LOC128462377: variants seen among roughly 807,000 people sequenced by gnomAD.
chr16:89,324,698 A>C, the LOC128462377 span: 2 of 337,856 alleles, frequency 5.9e-6, no homozygotes, highest in Non-Finnish European at 1.2e-5. Context: ...TCAGACTCCA[A>C]GTGCTTCAGC....
At chr16:89,324,975 G>A in the LOC128462377 span, 5 of 164,934 alleles carry the variant, frequency 3.0e-5, no homozygotes, top group South Asian at 7.9e-4. Flanking sequence ...CACAAGTACT[G>A]GTGAAGGGGT....
At chr16:89,387,382 CTG>C in the LOC128462377 span, among the ~76,000 whole-genome samples, 1 of 152,120 alleles carries the variant, frequency 6.6e-6, no homozygotes, top group African/African-American at 2.4e-5. Context: ...TCTATTAAGA[CTG>C]TGCTTGGGCC....
chr16:89,325,449 CCTCT>C, the LOC128462377 span, among the ~76,000 whole-genome samples: 17 of 139,532 alleles, frequency 1.2e-4, no homozygotes, highest in African/African-American at 4.1e-4. Flanking sequence ...TCTCCCCTCT[CCTCT>C]CTCTCTCTCT....
chr16:89,352,982 C>T, the LOC128462377 span, among the ~76,000 whole-genome samples: 1 of 152,170 alleles, frequency 6.6e-6, no homozygotes, highest in African/African-American at 2.4e-5. Context: ...AAACATTAAA[C>T]CTTGAATATA....
At chr16:89,349,550 T>C in the LOC128462377 span, among the ~76,000 whole-genome samples, 52 of 152,334 alleles carry the variant, frequency 3.4e-4, no homozygotes, top group Admixed American at 1.2e-3. Context: ...AGAAATTGAA[T>C]GGCAAAATAA....
the LOC128462377 span, among the ~76,000 whole-genome samples, chr16:89,373,998 A>G: frequency 5.9e-5 from 9 of 152,368 alleles, no homozygotes; most frequent in South Asian, 1.7e-3. Context: ...TGACGACCAC[A>G]ATACCTGCAG....
chr16:89,369,949 C>T, the LOC128462377 span, among the ~76,000 whole-genome samples: 46 of 152,328 alleles, frequency 3.0e-4, no homozygotes, highest in African/African-American at 1.1e-3. Context: ...GGGGGCCCAG[C>T]CCACCTCAAA....
the LOC128462377 span, among the ~76,000 whole-genome samples, chr16:89,330,395 T>A: frequency 5.3e-5 from 8 of 151,914 alleles, no homozygotes; most frequent in African/African-American, 1.9e-4. Context: ...GCTTCCCAGG[T>A]GGCCGCTCGC....
At chr16:89,326,384 C>G in the LOC128462377 span, among the ~76,000 whole-genome samples, 1 of 151,966 alleles carries the variant, frequency 6.6e-6, no homozygotes, top group Non-Finnish European at 1.5e-5. Context: ...CACCGCCCCC[C>G]CCACCCCGCT....
the LOC128462377 span, among the ~76,000 whole-genome samples, chr16:89,372,566 T>C: frequency 1.3e-5 from 2 of 152,026 alleles, no homozygotes; most frequent in African/African-American, 4.8e-5. Flanking sequence ...ATGTTGGAGA[T>C]TTACTAAAAT....
the LOC128462377 span, among the ~76,000 whole-genome samples, chr16:89,399,808 A>G: frequency 4.1e-5 from 1 of 24,510 alleles, no homozygotes; most frequent in Non-Finnish European, 6.2e-5. Context: ...AATAAAGTCT[A>G]CTTTTTTTAA....
the LOC128462377 span, among the ~76,000 whole-genome samples, chr16:89,369,593 G>C: frequency 6.6e-6 from 1 of 152,236 alleles, no homozygotes; most frequent in Admixed American, 6.5e-5. Flanking sequence ...TGCCAGGGTG[G>C]AAAGAGGATC....
chr16:89,334,171 A>AAAAAAAAAC, the LOC128462377 span, among the ~76,000 whole-genome samples: 1 of 144,610 alleles, frequency 6.9e-6, no homozygotes, highest in African/African-American at 2.6e-5. Context: ...AAAAAAAAAA[A>AAAAAAAAAC]AACAGAGAGA....
At chr16:89,362,080 T>C in the LOC128462377 span, among the ~76,000 whole-genome samples, 1 of 152,262 alleles carries the variant, frequency 6.6e-6, no homozygotes, top group Non-Finnish European at 1.5e-5. Flanking sequence ...ACTGAAAGTT[T>C]TGTAAAAGAT....
At chr16:89,390,720 G>T in the LOC128462377 span, among the ~76,000 whole-genome samples, 1 of 152,294 alleles carries the variant, frequency 6.6e-6, no homozygotes, top group South Asian at 2.1e-4. Flanking sequence ...GCCAGCACCC[G>T]TAAGTCCTGC....
the LOC128462377 span, among the ~76,000 whole-genome samples, chr16:89,401,308 AC>A: frequency 6.6e-6 from 1 of 151,772 alleles, no homozygotes; most frequent in East Asian, 1.9e-4. Context: ...CGAACTCCTG[AC>A]CTCGTGATCC....
chr16:89,384,250 G>A, the LOC128462377 span, among the ~76,000 whole-genome samples: 1 of 152,142 alleles, frequency 6.6e-6, no homozygotes, highest in South Asian at 2.1e-4. Flanking sequence ...ATTTCTCAAG[G>A]CTGGGCACGG....
the LOC128462377 span, among the ~76,000 whole-genome samples, chr16:89,374,691 G>C: frequency 6.6e-6 from 1 of 152,172 alleles, no homozygotes; most frequent in African/African-American, 2.4e-5. Context: ...ATCGGGAAAA[G>C]CACTTCAACT....
chr16:89,323,218 C>T, the LOC128462377 span: 14 of 987,070 alleles, frequency 1.4e-5, no homozygotes, highest in Middle Eastern at 2.4e-4. Flanking sequence ...ACGGACTGAG[C>T]GGAGGAAAAA....
Sources: allele counts gnomAD v4.1 joint callset (sites outside exome capture counted in the v4.1 genomes callset), GRCh38; gene constraint gnomAD v4.1.1; transcripts MANE v1.5.